SRGAP2C: variants seen among roughly 807,000 people sequenced by gnomAD.
SRGAP2C encodes the protein SLIT-ROBO Rho GTPase activating protein 2C, also known as SLIT-ROBO Rho GTPase-activating protein 2C.
Under a neutral mutation model 25.1 loss-of-function variants are expected in SRGAP2C, and 15 were observed. The observed-to-expected ratio is 0.60, with a 90% confidence interval of 0.40 to 0.92. SRGAP2C has a LOEUF of 0.92. Ranked by LOEUF, SRGAP2C falls within the 40% of genes least tolerant of loss-of-function variation. The pLI is 0.00. For synonymous variants in SRGAP2C, 44 were observed against 96.6 expected (o/e 0.46, Z 3.19); for missense variants, 144 against 264.4 (o/e 0.54, Z 3.16).
intron 3 of SRGAP2C, among the ~76,000 whole-genome samples, chr1:121,320,823 T>C (rs1205281673): frequency 1.3e-5 from 2 of 152,024 alleles, no homozygotes; most frequent in Non-Finnish European, 2.9e-5. Flanking sequence ...CCCCAACATG[T>C]ATAATAGGCA....
chr1:121,261,094 A>ATTT (rs1211026484), intron 2 of SRGAP2C, among the ~76,000 whole-genome samples: 7,073 of 26,332 alleles, frequency 0.27, 1,382 homozygotes, highest in Non-Finnish European at 0.29. Flanking sequence ...ACACCTGGCT[A>ATTT]TTTTTTTTTT....
chr1:121,383,461 GA>G (rs1659882035), intron 8 of SRGAP2C, among the ~76,000 whole-genome samples: 1 of 151,084 alleles, frequency 6.6e-6, no homozygotes, highest in African/African-American at 2.4e-5. Context: ...CCTGAAGTTA[GA>G]AGACTGTGAT....
intron 4 of SRGAP2C, among the ~76,000 whole-genome samples, chr1:121,329,930 C>T (rs1281743604): frequency 1.3e-5 from 2 of 151,604 alleles, no homozygotes; most frequent in Admixed American, 6.6e-5. Flanking sequence ...GTCTGTCTAA[C>T]CTCTGTTGGA....
intron 4 of SRGAP2C, among the ~76,000 whole-genome samples, chr1:121,343,161 C>T (rs1438423509): frequency 1.3e-5 from 2 of 151,814 alleles, no homozygotes; most frequent in Non-Finnish European, 2.9e-5. Flanking sequence ...AGAATTACCC[C>T]TGTGCTTAAG....
chr1:121,202,076 C>T (rs115059196), intron 2 of SRGAP2C, among the ~76,000 whole-genome samples: 7,749 of 152,186 alleles, frequency 0.051, 668 homozygotes, highest in African/African-American at 0.18. Flanking sequence ...AATAGTATAC[C>T]GCAGCCCACC....
rs1654456468 is a variant in SRGAP2C, at chr1:121,184,990, T to TGGCGGA, written c.-671_-666dup. 2.0e-6 allele frequency: 1 copy of TGGCGGA among 511,636 alleles called. No homozygotes were observed. Among genetic ancestry groups the TGGCGGA allele is most frequent in the Non-Finnish European group, 3.4e-6 (1 of 292,842 alleles). 31.7% of individuals were successfully genotyped at this position (511,636 alleles called of 1,614,324 possible). On this transcript the variant is annotated 5_prime_UTR_variant, in exon 1 of 10. Transcript: ENST00000367123. Reference sequence around the variant, plus strand: ...ACTTCCCGGCGGGGTCCTGCGGAGTTGGCGGAGGCGGCGGAGGCTCCTCCA... The same window carrying TGGCGGA: ...ACTTCCCGGCGGGGTCCTGCGGAGTTGGCGGAGGCGGAGGCGGCGGAGGCTCCTCCA...
At chr1:121,218,755 A>G (rs28679534) in intron 2 of SRGAP2C, among the ~76,000 whole-genome samples, 93 of 150,696 alleles carry the variant, frequency 6.2e-4, no homozygotes, top group African/African-American at 7.8e-4. Flanking sequence ...TCAGAGGGGG[A>G]AAAAAAAAGT....
intron 2 of SRGAP2C, among the ~76,000 whole-genome samples, chr1:121,263,619 A>C (rs1400052228): frequency 2.6e-5 from 4 of 151,732 alleles, no homozygotes; most frequent in African/African-American, 9.7e-5. Flanking sequence ...TGAGTTCACC[A>C]GCTCCAGGCT....
intron 4 of SRGAP2C, among the ~76,000 whole-genome samples, chr1:121,335,342 A>AT (rs1658488440): frequency 3.3e-4 from 40 of 120,946 alleles, no homozygotes; most frequent in African/African-American, 1.4e-3. Flanking sequence ...CTCCATCTCA[A>AT]AAAATAAATA....
In SRGAP2C at chr1:121,389,138, T is replaced by C. The variant is rs1422560899; in HGVS notation, c.*1283T>C. ...TACAATCTAAGTCATATAATTATAA[T>C]ATTCTTTAAGCATATTTATGAGTAA... is the stretch of plus-strand genomic sequence containing the variant. On this transcript the variant is annotated 3_prime_UTR_variant, in exon 10 of 10. Transcript: ENST00000367123. 6.6e-6 allele frequency: 1 copy of C among 152,142 alleles called. No homozygotes were observed. The highest frequency in any genetic ancestry group is 1.9e-4 in the East Asian group (1 of 5,204). The allele number at this position is 152,142 out of a possible 1,614,324, so 9.4% of individuals were successfully genotyped here. A position where few individuals can be genotyped will look rare whatever the true frequency, so the allele number is the denominator to read the frequency against.
chr1:121,211,467 C>T (rs1310947724), intron 2 of SRGAP2C, among the ~76,000 whole-genome samples: 1 of 144,310 alleles, frequency 6.9e-6, no homozygotes, highest in Non-Finnish European at 1.5e-5. Flanking sequence ...ACACATCTTA[C>T]CTTATTTAGG....
intron 4 of SRGAP2C, among the ~76,000 whole-genome samples, chr1:121,343,287 C>T (rs1286842290): frequency 5.9e-5 from 9 of 151,932 alleles, no homozygotes; most frequent in Admixed American, 2.6e-4. Flanking sequence ...GGCTGAAGCC[C>T]CAGTGGAATC....
chr1:121,343,045 G>T (rs1169215387), intron 4 of SRGAP2C, among the ~76,000 whole-genome samples: 1 of 150,646 alleles, frequency 6.6e-6, no homozygotes, highest in Non-Finnish European at 1.5e-5. Context: ...GTATCATTTT[G>T]ATTAAATCTT....
chr1:121,347,873 G>T (rs1371370893), intron 4 of SRGAP2C, among the ~76,000 whole-genome samples: 4 of 148,828 alleles, frequency 2.7e-5, no homozygotes, highest in African/African-American at 9.9e-5. Context: ...ACGATCATGG[G>T]GAGAGGACAG....
intron 5 of SRGAP2C, among the ~76,000 whole-genome samples, chr1:121,370,789 C>T (rs1276169404): frequency 2.7e-5 from 4 of 150,030 alleles, no homozygotes; most frequent in Non-Finnish European, 5.9e-5. Flanking sequence ...GCTCTACCTT[C>T]ATCCCACTGC....
At chr1:121,217,519 G>GA (rs1439393311) in intron 2 of SRGAP2C, among the ~76,000 whole-genome samples, 3 of 148,492 alleles carry the variant, frequency 2.0e-5, no homozygotes, top group African/African-American at 7.5e-5. Flanking sequence ...TGTCTTTAAA[G>GA]AAAAAAAGAG....
chr1:121,343,172 G>A (rs1196954948), intron 4 of SRGAP2C, among the ~76,000 whole-genome samples: 21 of 151,592 alleles, frequency 1.4e-4, no homozygotes, highest in African/African-American at 4.8e-4. Context: ...TGTGCTTAAG[G>A]CCACACAGAT....
chr1:121,369,531 G>T (rs75139325), intron 5 of SRGAP2C, among the ~76,000 whole-genome samples: 2 of 152,232 alleles, frequency 1.3e-5, no homozygotes, highest in African/African-American at 4.8e-5. Flanking sequence ...GCTTGGAGCA[G>T]CGGCTGTGTG....
At chr1:121,217,778 A>G (rs1427811447) in intron 2 of SRGAP2C, among the ~76,000 whole-genome samples, 2 of 152,216 alleles carry the variant, frequency 1.3e-5, no homozygotes, top group Non-Finnish European at 2.9e-5. Flanking sequence ...TGTGGTATAG[A>G]AGTCCAGCAT....
Sources: gnomAD v4.1 joint callset for allele counts (sites outside exome capture counted in the v4.1 genomes callset) on GRCh38, gnomAD v4.1.1 for gene constraint, MANE v1.5 for transcripts, NCBI Gene and HGNC (gene_info 2026-07-23, HGNC 2026-07-21) for gene names.